Variants in ADAM9 observed in about 807,000 individuals in gnomAD.
The protein encoded by ADAM9 is ADAM metallopeptidase domain 9.
Under a neutral mutation model 108.1 loss-of-function variants are expected in ADAM9, and 54 were observed. That is an observed-to-expected ratio of 0.50 (90% confidence interval 0.40 to 0.63). ADAM9 has a LOEUF of 0.63. ADAM9 is among the 20% of genes least tolerant of loss of function. The pLI, the probability that ADAM9 is intolerant of heterozygous loss-of-function variation, is 0.00. For missense variants in ADAM9, 830 were observed against 997.7 expected (o/e 0.83, Z 2.26); for synonymous variants, 316 against 336.0 (o/e 0.94, Z 0.65).
In ADAM9 at chr8:39,104,949, T is replaced by C. The variant is rs1839819111; in HGVS notation, c.*1249T>C. 4.7e-6 allele frequency: 2 copies of C among 429,874 alleles called. No homozygotes were observed. Among genetic ancestry groups the C allele is most frequent in the African/African-American group, 4.1e-5 (2 of 48,334 alleles). The allele number at this position is 429,874 out of a possible 1,614,324, so 26.6% of individuals were successfully genotyped here. ...TTTAAAAGTGTTTTTGGTTTGTGTATATATACATATACAAATACAACATTT... is the reference window on the plus strand; with the variant it reads ...TTTAAAAGTGTTTTTGGTTTGTGTACATATACATATACAAATACAACATTT... On this transcript the variant is annotated 3_prime_UTR_variant, in exon 22 of 22. Coordinates refer to ENST00000487273, the MANE Select transcript of ADAM9 (RefSeq NM_003816.3).
chr8:39,024,652 T>A (rs1359594141), intron 9 of ADAM9, among the ~76,000 whole-genome samples: 2 of 152,172 alleles, frequency 1.3e-5, no homozygotes. Context: ...ATCCATTCAT[T>A]TAAAATATAT....
At chr8:39,072,652 T>A (rs1212460304) in intron 15 of ADAM9, among the ~76,000 whole-genome samples, 3 of 152,216 alleles carry the variant, frequency 2.0e-5, no homozygotes, top group African/African-American at 7.2e-5. Flanking sequence ...GTTCCCTCTG[T>A]TCAGCATGCT....
At chr8:39,080,168 G>A (rs1054961631) in intron 16 of ADAM9, among the ~76,000 whole-genome samples, 2 of 122,032 alleles carry the variant, frequency 1.6e-5, no homozygotes, top group Non-Finnish European at 3.3e-5. Context: ...TTTCTATTCT[G>A]CTTGTTTACT....
At chr8:39,050,879 A>G (rs1056274044) in intron 12 of ADAM9, among the ~76,000 whole-genome samples, 10 of 129,182 alleles carry the variant, frequency 7.7e-5, no homozygotes, top group African/African-American at 2.7e-4. Context: ...AACTGGGTAG[A>G]GGAACTGTGG....
At chr8:38,998,807 A>G (rs1431614318) in intron 1 of ADAM9, among the ~76,000 whole-genome samples, 1 of 152,148 alleles carries the variant, frequency 6.6e-6, no homozygotes, top group African/African-American at 2.4e-5. Flanking sequence ...AGGAAATGAT[A>G]AAAATGTCAA....
chr8:39,057,188 GT>G (rs1394128027), intron 14 of ADAM9, among the ~76,000 whole-genome samples: 4 of 151,892 alleles, frequency 2.6e-5, no homozygotes, highest in African/African-American at 7.3e-5. Flanking sequence ...TACCACCTAG[GT>G]TTGTTTAAGT....
intron 11 of ADAM9, among the ~76,000 whole-genome samples, chr8:39,038,153 C>A (rs568429873): frequency 1.3e-5 from 2 of 152,324 alleles, no homozygotes; most frequent in East Asian, 3.9e-4. Flanking sequence ...TTGTAGTCTT[C>A]CTCTTAATAG....
intron 14 of ADAM9, among the ~76,000 whole-genome samples, chr8:39,059,386 G>A (rs1255581105): frequency 6.7e-6 from 1 of 149,894 alleles, no homozygotes; most frequent in African/African-American, 2.5e-5. Context: ...CTCAGGATTG[G>A]ACTTTGCTAC....
At chr8:39,091,446 T>C (rs1564378083) in intron 20 of ADAM9, 100 bp downstream of exon 20, 3 of 1,082,482 alleles carry the variant, frequency 2.8e-6, no homozygotes, top group Non-Finnish European at 4.1e-6. Flanking sequence ...GAAACATAGA[T>C]ACCTTCTTAA....
At chr8:39,035,473 C>A (rs909097815) in intron 11 of ADAM9, among the ~76,000 whole-genome samples, 1 of 151,932 alleles carries the variant, frequency 6.6e-6, no homozygotes, top group African/African-American at 2.4e-5. Context: ...TGTATTGTGG[C>A]TTCATGTGGT....
At chr8:39,077,568 A>G (rs1433552295) in intron 16 of ADAM9, among the ~76,000 whole-genome samples, 157 bp downstream of exon 16, 4 of 152,236 alleles carry the variant, frequency 2.6e-5, no homozygotes, top group Non-Finnish European at 5.9e-5. Context: ...ATTAAGAACT[A>G]TAATTCTGTT....
rs1016488619 is a variant in ADAM9 at position 39,017,442 on chromosome 8, C to T, written c.606+28C>T. ...AAGGAAATAACATAATTCTTCATGG[C>T]TCAGACTACCATTTTAGAAAAATCA... is the stretch of plus-strand genomic sequence containing the variant. On this transcript the variant is annotated intron_variant, in intron 6 of 21. Transcript: ENST00000487273. The T allele has an allele frequency of 1.9e-6, 3 of 1,595,070 alleles. No individual in the cohort carries two copies. The African/African-American group carries it at 4.0e-5, about 21-fold the overall frequency.
chr8:39,054,883 T>C (rs1838069698), intron 13 of ADAM9, among the ~76,000 whole-genome samples: 1 of 152,186 alleles, frequency 6.6e-6, no homozygotes, highest in African/African-American at 2.4e-5. Context: ...TATTTTATAC[T>C]CTTCAGGTAA....
At chr8:39,029,581 T>A (rs1837036237) in intron 11 of ADAM9, among the ~76,000 whole-genome samples, 1 of 152,206 alleles carries the variant, frequency 6.6e-6, no homozygotes, top group Non-Finnish European at 1.5e-5. Context: ...TTTGTTGAGA[T>A]CTTTTGTTGT....
chr8:39,101,626 A>G (rs567861042), intron 20 of ADAM9, among the ~76,000 whole-genome samples: 23 of 152,326 alleles, frequency 1.5e-4, no homozygotes, highest in South Asian at 4.1e-4. Context: ...TGAAACATCA[A>G]TGACTTTTCT....
At position 39,082,848 on chromosome 8, in the gene ADAM9, T is replaced by A. The variant is rs147442238; in HGVS notation, c.1963-120T>A. 141 of 1,345,480 alleles carry A rather than the reference T, an allele frequency of 1.0e-4. 1 individual carries two copies. In the African/African-American group the frequency reaches 1.9e-3, roughly 18 times the overall value. The allele number at this position is 1,345,480 out of a possible 1,614,324, so 83.3% of individuals were successfully genotyped here. A position where few individuals can be genotyped will look rare whatever the true frequency, so the allele number is the denominator to read the frequency against. ...TTTAGATTCCTGATAAAATTTTCAT[T>A]CTTAAACAGTGTCAGTAAGCTTGTA... On this transcript the variant is annotated intron_variant, in intron 17 of 21. Coordinates refer to ENST00000487273, the MANE Select transcript of ADAM9 (RefSeq NM_003816.3).
chr8:39,018,084 A>G (rs1299399603), intron 6 of ADAM9, among the ~76,000 whole-genome samples: 1 of 152,212 alleles, frequency 6.6e-6, no homozygotes, highest in African/African-American at 2.4e-5. Context: ...ATAGCACTTC[A>G]TGATTTACTC....
At chr8:39,099,014 T>C (rs1025743637) in intron 20 of ADAM9, among the ~76,000 whole-genome samples, 2 of 152,178 alleles carry the variant, frequency 1.3e-5, no homozygotes, top group African/African-American at 4.8e-5. Flanking sequence ...CAAACTCTTA[T>C]GAGGATGGGT....
At chr8:39,051,533 A>G (rs1166178020) in intron 12 of ADAM9, among the ~76,000 whole-genome samples, 4 of 152,224 alleles carry the variant, frequency 2.6e-5, no homozygotes, top group African/African-American at 9.7e-5. Context: ...TAACTATCTT[A>G]GAGAAATATT....
Sources: allele counts gnomAD v4.1 joint callset (sites outside exome capture counted in the v4.1 genomes callset), GRCh38; gene constraint gnomAD v4.1.1; transcripts MANE v1.5; gene names NCBI Gene and HGNC (gene_info 2026-07-23, HGNC 2026-07-21).